LHCGR: variants seen among roughly 807,000 people sequenced by gnomAD.
LHCGR encodes lutropin-choriogonadotropic hormone receptor.
LHCGR carries 55 observed loss-of-function variants against 60.7 expected under a neutral mutation model. The ratio of observed to expected loss-of-function variants is 0.91; its 90% confidence interval spans 0.73 to 1.13. The LOEUF (loss-of-function observed/expected upper bound fraction) is 1.13, where lower values mean the gene tolerates loss of function less well. LHCGR is among the 50% of genes most tolerant of loss of function. The pLI is 0.00. For missense variants in LHCGR, 862 were observed against 836.0 expected (o/e 1.03, Z -0.38); for synonymous variants, 337 against 316.5 (o/e 1.06, Z -0.69).
At position 48,731,261 on chromosome 2, in the gene LHCGR, G is replaced by A; in HGVS notation, c.199C>T (p.Gln67Ter). 1 of 1,611,980 alleles carries A rather than the reference G, an allele frequency of 6.2e-7. No individual in the cohort carries two copies. Among genetic ancestry groups the A allele is most frequent in the Non-Finnish European group, 8.5e-7 (1 of 1,178,706 alleles). The change falls in exon 2 of 11, where the codon CAA becomes TAA. Residue 67 changes from glutamine to a stop codon, truncating the protein, a stop_gained. Transcript: ENST00000294954. LOFTEE classifies it high-confidence loss of function. ...ACCTCATTAAGTCCTCTGAAAGCTT[G>A]AGATGGGATCACTTTGACAGGGAGG... Reference protein sequence around the residue: ...AYLPVKVIPSQAFRGLNEVIK... With the variant: ...AYLPVKVIPS
In LHCGR at chr2:48,686,908, T is replaced by A. The variant is rs929313057; in HGVS notation, c.*789A>T. 1 of 152,152 alleles carries A rather than the reference T, an allele frequency of 6.6e-6. No individual in the cohort carries two copies. Among genetic ancestry groups the A allele is most frequent in the Non-Finnish European group, 1.5e-5 (1 of 68,014 alleles). The allele number at this position is 152,152 out of a possible 1,614,324, so 9.4% of individuals were successfully genotyped here. A position where few individuals can be genotyped will look rare whatever the true frequency, so the allele number is the denominator to read the frequency against. ...CATTTGTAGTGTACCATTGCCAAGA[T>A]CTTGAGGTAGGAAGCAGGAAAACAA... On this transcript the variant is annotated 3_prime_UTR_variant, in exon 11 of 11. Coordinates refer to ENST00000294954, the MANE Select transcript of LHCGR (RefSeq NM_000233.4).
Position 48,723,689 on chromosome 2 carries a change from A to G in LHCGR, c.391T>C (p.Cys131Arg), listed in dbSNP as rs121912527. The change falls in exon 5 of 11, where the codon TGT (cysteine) becomes CGT (arginine). Residue 131 changes from cysteine to arginine, a missense_variant. Transcript: ENST00000294954. The stretch of plus-strand genomic sequence containing the variant: ...GGAAACTTTCTGATGCCTGTGTTAC[A>G]GATGCTCCTGTGATTAGGGACAGGA... Reference protein sequence around the residue: ...NLPRLKYLSICNTGIRKFPDV... With the variant: ...NLPRLKYLSIRNTGIRKFPDV... 1.2e-6 allele frequency: 2 copies of G among 1,612,818 alleles called. No homozygotes were observed. The highest frequency in any genetic ancestry group is 1.7e-6 in the Non-Finnish European group (2 of 1,178,798).
intron 1 of LHCGR, among the ~76,000 whole-genome samples, chr2:48,752,997 T>TGGGGGGGGGGGGGGGGG (rs1558909396): frequency 5.4e-5 from 1 of 18,436 alleles, no homozygotes; most frequent in African/African-American, 3.0e-4. Context: ...GGGGGGGGGG[T>TGGGGGGGGGGGGGGGGG]GGGGAAGGGA....
intron 1 of LHCGR, among the ~76,000 whole-genome samples, chr2:48,737,771 G>A (rs1669265495): frequency 6.6e-6 from 1 of 152,198 alleles, no homozygotes; most frequent in African/African-American, 2.4e-5. Context: ...ATACATCCAG[G>A]TGGTTTTGAT....
intron 8 of LHCGR, among the ~76,000 whole-genome samples, chr2:48,702,051 A>G (rs1667436277): frequency 6.6e-6 from 1 of 151,578 alleles, no homozygotes; most frequent in South Asian, 2.1e-4. Flanking sequence ...AATAAATAAC[A>G]TCTGCTAGAG....
intron 8 of LHCGR, among the ~76,000 whole-genome samples, chr2:48,700,542 GA>G (rs1242993330): frequency 6.6e-6 from 1 of 152,140 alleles, no homozygotes; most frequent in Non-Finnish European, 1.5e-5. Context: ...TGTCATGCAG[GA>G]GTCTTGGGAA....
intron 1 of LHCGR, among the ~76,000 whole-genome samples, chr2:48,744,418 G>A (rs1669606314): frequency 3.9e-5 from 3 of 77,664 alleles, no homozygotes; most frequent in African/African-American, 1.7e-4. Flanking sequence ...CAAAGCTGGA[G>A]GCATCACACT....
chr2:48,698,860 G>C, intron 8 of LHCGR, 60 bp from the exon 9 acceptor site: 1 of 1,233,658 alleles, frequency 8.1e-7, no homozygotes, highest in South Asian at 1.4e-5. Flanking sequence ...TTTTTTTTTT[G>C]AGACGGAGTC....
At chr2:48,707,781 A>G (rs1558835720) in intron 8 of LHCGR, among the ~76,000 whole-genome samples, 1 of 152,228 alleles carries the variant, frequency 6.6e-6, no homozygotes, top group Non-Finnish European at 1.5e-5. Flanking sequence ...AAGAACTTCA[A>G]GCCAATGGAT....
intron 8 of LHCGR, among the ~76,000 whole-genome samples, chr2:48,702,270 T>TG (rs1225274666): frequency 7.9e-5 from 12 of 152,110 alleles, no homozygotes; most frequent in Non-Finnish European, 2.9e-5. Context: ...TATCTTTTTT[T>TG]TTTTTTTAAA....
chr2:48,746,737 C>T (rs1025201204), intron 1 of LHCGR, among the ~76,000 whole-genome samples: 3 of 152,170 alleles, frequency 2.0e-5, no homozygotes, highest in African/African-American at 7.2e-5. Context: ...TTACTCAAAA[C>T]CCATTTAACA....
At chr2:48,750,472 A>G (rs1669911139) in intron 1 of LHCGR, among the ~76,000 whole-genome samples, 1 of 152,246 alleles carries the variant, frequency 6.6e-6, no homozygotes. Context: ...TTCAAATGAT[A>G]GACTGGAAGC....
intron 8 of LHCGR, among the ~76,000 whole-genome samples, chr2:48,706,468 T>A (rs1423388703): frequency 1.3e-5 from 2 of 151,814 alleles, no homozygotes; most frequent in African/African-American, 4.8e-5. Flanking sequence ...AAGTTCTGGA[T>A]AATATTCAGG....
At chr2:48,735,805 G>A (rs1222561078) in intron 1 of LHCGR, among the ~76,000 whole-genome samples, 1 of 152,132 alleles carries the variant, frequency 6.6e-6, no homozygotes, top group Admixed American at 6.5e-5. Flanking sequence ...CTAGAATTAT[G>A]CTTATAGACT....
intron 6 of LHCGR, among the ~76,000 whole-genome samples, chr2:48,718,768 C>T (rs977193784): frequency 2.6e-5 from 4 of 152,152 alleles, no homozygotes; most frequent in South Asian, 2.1e-4. Flanking sequence ...GATGTGCCGG[C>T]AGTGGTTAGA....
intron 10 of LHCGR, 122 bp downstream of exon 10, chr2:48,694,102 A>G (rs1666999192): frequency 5.7e-6 from 4 of 707,722 alleles, no homozygotes; most frequent in Non-Finnish European, 1.0e-5. Context: ...AAAACTATTA[A>G]AAGTTGCTTT....
intron 6 of LHCGR, among the ~76,000 whole-genome samples, chr2:48,717,712 G>A (rs755450954): frequency 6.6e-6 from 1 of 151,930 alleles, no homozygotes; most frequent in Non-Finnish European, 1.5e-5. Context: ...CTCTTCCTGG[G>A]CAGAGCAAGT....
intron 8 of LHCGR, among the ~76,000 whole-genome samples, chr2:48,701,983 C>G (rs1404999915): frequency 1.3e-5 from 2 of 152,174 alleles, no homozygotes; most frequent in African/African-American, 4.8e-5. Flanking sequence ...ATTTTACTTA[C>G]TACTGTCTGT....
Position 48,714,023 on chromosome 2 carries a change from G to T in LHCGR, c.568C>A (p.Gln190Lys), listed in dbSNP as rs61996318. ...GTCGTCCCATTGAATGCATGACTTTGTACTTCTTCAAATCCATTTCCATAT... is the reference window on the plus strand; with the variant it reads ...GTCGTCCCATTGAATGCATGACTTTTTACTTCTTCAAATCCATTTCCATAT... ...KLYGNGFEEV[Q>K]SHAFNGTTLT... The change falls in exon 7 of 11, where the codon CAA becomes AAA. Residue 190 changes from glutamine to lysine, a missense_variant. By Grantham distance (53) the Gln-to-Lys change is moderately conservative. Transcript: ENST00000294954. 2.6e-4 allele frequency: 420 copies of T among 1,612,960 alleles called. 2 individuals are homozygous for T. In the African/African-American group the frequency reaches 5.0e-3, roughly 19 times the overall value.
Sources: allele counts gnomAD v4.1 joint callset (sites outside exome capture counted in the v4.1 genomes callset), GRCh38; gene constraint gnomAD v4.1.1; transcripts MANE v1.5; gene names NCBI Gene and HGNC (gene_info 2026-07-23, HGNC 2026-07-21).